The following ZNF277 variants were observed in gnomAD, a reference collection of about 807,000 sequenced individuals.
ZNF277 encodes nuclear receptor-interacting factor 4.
ZNF277 carries 55 observed loss-of-function variants against 60.7 expected under a neutral mutation model. That is an observed-to-expected ratio of 0.91 (90% CI 0.73 to 1.13). The LOEUF (loss-of-function observed/expected upper bound fraction) is 1.13. Ranked by LOEUF, ZNF277 falls within the 50% of genes most tolerant of loss-of-function variation. ZNF277 has a pLI of 0.00. For synonymous variants in ZNF277, 178 were observed against 179.3 expected (o/e 0.99, Z 0.06); for missense variants, 510 against 523.0 (o/e 0.98, Z 0.24).
intron 1 of ZNF277, among the ~76,000 whole-genome samples, chr7:112,210,465 GT>G (rs66533644): frequency 0.73 from 96,734 of 132,368 alleles, 34,389 homozygotes; most frequent in Middle Eastern, 0.8. Context: ...TTTGTTTTTT[GT>G]TTTTTTTTTT....
intron 1 of ZNF277, among the ~76,000 whole-genome samples, chr7:112,218,246 C>T (rs1236740815): frequency 1.3e-5 from 2 of 152,134 alleles, no homozygotes; most frequent in East Asian, 1.9e-4. Context: ...TAACAATGTA[C>T]TGGAGGGGGA....
intron 5 of ZNF277, among the ~76,000 whole-genome samples, chr7:112,323,778 T>A (rs1319998420): frequency 1.3e-5 from 2 of 152,162 alleles, no homozygotes; most frequent in African/African-American, 2.4e-5. Context: ...TTTTCAGAGG[T>A]CCATGCCCCA....
At chr7:112,294,196 C>T (rs1216725577) in intron 2 of ZNF277, among the ~76,000 whole-genome samples, 2 of 152,052 alleles carry the variant, frequency 1.3e-5, no homozygotes, top group Admixed American at 1.3e-4. Context: ...TCCTCTCTAC[C>T]ATGGGGTGGT....
chr7:112,262,638 A>G (rs1052483631), intron 1 of ZNF277, among the ~76,000 whole-genome samples: 43 of 152,180 alleles, frequency 2.8e-4, no homozygotes, highest in African/African-American at 9.4e-4. Flanking sequence ...TTTATAAACA[A>G]TATAGAGGGC....
intron 1 of ZNF277, among the ~76,000 whole-genome samples, chr7:112,217,125 A>C (rs1821906356): frequency 6.6e-6 from 1 of 152,236 alleles, no homozygotes; most frequent in Non-Finnish European, 1.5e-5. Context: ...GGATCTTATG[A>C]CCTAATAGGG....
intron 5 of ZNF277, among the ~76,000 whole-genome samples, chr7:112,323,989 T>C (rs753654034): frequency 1.3e-5 from 2 of 152,210 alleles, no homozygotes; most frequent in Non-Finnish European, 2.9e-5. Flanking sequence ...CATGAAATAA[T>C]ATTTTAAGTA....
In ZNF277 at chr7:112,340,865, T is replaced by C. The variant is rs780841436; in HGVS notation, c.1010-7T>C. ...TGTCTAATGATTCTGTATTTTGTCA[T>C]TTTCAGGATTAAATTTCTATCAGCA... On this transcript the variant is annotated splice_region_variant and splice_polypyrimidine_tract_variant and intron_variant, in intron 10 of 11. Coordinates refer to ENST00000361822, the MANE Select transcript of ZNF277 (RefSeq NM_021994.3). 7.5e-6 allele frequency: 12 copies of C among 1,608,806 alleles called. No individual in the cohort carries two copies. In the African/African-American group the frequency reaches 9.4e-5, roughly 13 times the overall value.
At chr7:112,319,894 T>C (rs1792938056) in intron 5 of ZNF277, among the ~76,000 whole-genome samples, 1 of 151,736 alleles carries the variant, frequency 6.6e-6, no homozygotes, top group African/African-American at 2.4e-5. Context: ...AAAAGTTAAC[T>C]TAAAAGTACC....
intron 1 of ZNF277, among the ~76,000 whole-genome samples, chr7:112,213,461 C>T (rs889754027): frequency 6.6e-6 from 1 of 152,122 alleles, no homozygotes; most frequent in Non-Finnish European, 1.5e-5. Context: ...TAGAGAAGAG[C>T]TCTTATTAAA....
intron 5 of ZNF277, among the ~76,000 whole-genome samples, chr7:112,324,978 T>C (rs907109439): frequency 1.3e-5 from 2 of 152,280 alleles, no homozygotes; most frequent in Non-Finnish European, 2.9e-5. Flanking sequence ...CCTCCCCTCA[T>C]TGGTATGGGC....
At chr7:112,244,256 T>C (rs1166057620) in intron 1 of ZNF277, among the ~76,000 whole-genome samples, 3 of 152,156 alleles carry the variant, frequency 2.0e-5, no homozygotes, top group Non-Finnish European at 4.4e-5. Flanking sequence ...AAACTACACT[T>C]GTACTCACTA....
In ZNF277 at chr7:112,271,236, A is replaced by G. The variant is rs1002302613; in HGVS notation, c.92-15637A>G. The stretch of plus-strand genomic sequence containing the variant: ...ATACGAGATTTCTATCACCTTTTGG[A>G]TTTATTTTTGTTATGTAAAACAGGA... On this transcript the variant is annotated intron_variant, in intron 1 of 11. Coordinates refer to ENST00000361822, the MANE Select transcript of ZNF277 (RefSeq NM_021994.3). Among the ~76,000 whole-genome samples the G allele has an allele frequency of 3.9e-5, 6 of 152,062 alleles. 1 individual carries two copies. The highest frequency in any genetic ancestry group is 3.9e-4 in the Admixed American group (6 of 15,254).
rs376388455 is a variant in ZNF277, at chr7:112,343,690, G to T, written c.*961G>T. On this transcript the variant is annotated 3_prime_UTR_variant, in exon 12 of 12. Transcript: ENST00000361822. ...ATCTGTAATCCCAGCACTTTGGGAG[G>T]CCAAGGCAGAGGATCACATGAGGTC... is the stretch of plus-strand genomic sequence containing the variant. Among the ~76,000 whole-genome samples the T allele has an allele frequency of 1.3e-5, 2 of 152,080 alleles. No individual in the cohort carries two copies. Among genetic ancestry groups the T allele is most frequent in the Admixed American group, 6.6e-5 (1 of 15,256 alleles).
intron 1 of ZNF277, among the ~76,000 whole-genome samples, chr7:112,279,052 A>C (rs534517403): frequency 1.3e-5 from 2 of 152,316 alleles, no homozygotes; most frequent in South Asian, 4.1e-4. Context: ...CATTCCTTTT[A>C]AAAAAGGCTG....
intron 4 of ZNF277, among the ~76,000 whole-genome samples, chr7:112,315,156 C>T (rs1792815911): frequency 6.6e-6 from 1 of 151,898 alleles, no homozygotes; most frequent in Non-Finnish European, 1.5e-5. Flanking sequence ...ACAAACCCTA[C>T]CAGATGAAAA....
intron 1 of ZNF277, among the ~76,000 whole-genome samples, chr7:112,207,782 A>G (rs1207225597): frequency 6.6e-6 from 1 of 152,182 alleles, no homozygotes; most frequent in Non-Finnish European, 1.5e-5. Flanking sequence ...TTGCTTTCAC[A>G]GTTAAATTGA....
chr7:112,245,820 T>A lies in ZNF277; in HGVS notation c.91+39013T>A, dbSNP rs1016289546. Among the ~76,000 whole-genome samples, 7 of 152,208 alleles carry A rather than the reference T, an allele frequency of 4.6e-5. No homozygotes were observed. In the South Asian group the frequency reaches 1.4e-3, roughly 32 times the overall value. On this transcript the variant is annotated intron_variant, in intron 1 of 11. Coordinates refer to ENST00000361822, the MANE Select transcript of ZNF277 (RefSeq NM_021994.3). Reference sequence around the variant, plus strand: ...TTACTTGATTACCTCTGTAGAGACCTTGTTTCCAAATAAGGTCATATTCTG... The same window carrying A: ...TTACTTGATTACCTCTGTAGAGACCATGTTTCCAAATAAGGTCATATTCTG...
intron 1 of ZNF277, among the ~76,000 whole-genome samples, chr7:112,208,673 G>GTTTTTT (rs1407981050): frequency 2.6e-4 from 15 of 56,840 alleles, no homozygotes; most frequent in South Asian, 7.2e-4. Context: ...TGTATGATTT[G>GTTTTTT]ATTTTTTTTT....
chr7:112,338,578 TACTTTCACCC>T (rs1349386526), intron 9 of ZNF277, among the ~76,000 whole-genome samples: 1 of 152,198 alleles, frequency 6.6e-6, no homozygotes, highest in Non-Finnish European at 1.5e-5. Flanking sequence ...CCATATTCTC[TACTTTCACCC>T]ACTTTCACCT....
Sources: gnomAD v4.1 joint callset for allele counts (sites outside exome capture counted in the v4.1 genomes callset) on GRCh38, gnomAD v4.1.1 for gene constraint, MANE v1.5 for transcripts, NCBI Gene and HGNC (gene_info 2026-07-23, HGNC 2026-07-21) for gene names.